The following MYRIP variants were observed in gnomAD, a reference collection of about 807,000 sequenced individuals.
The protein encoded by MYRIP is myosin VIIA and Rab interacting protein.
Under a neutral mutation model 98.0 loss-of-function variants are expected in MYRIP, and 49 were observed. The observed-to-expected ratio is 0.50, with a 90% CI of 0.40 to 0.63. The LOEUF (loss-of-function observed/expected upper bound fraction) is 0.63, where lower values mean the gene tolerates loss of function less well. MYRIP is among the 30% of genes least tolerant of loss of function. The probability of loss-of-function intolerance (pLI) is 0.00; values close to 1 mark genes in which losing one functional copy is unlikely to be tolerated. For synonymous variants in MYRIP, 404 were observed against 409.5 expected (o/e 0.99, Z 0.16); for missense variants, 1,004 against 1,058.2 (o/e 0.95, Z 0.71).
intron 2 of MYRIP, among the ~76,000 whole-genome samples, chr3:39,918,180 C>A (rs1001891534): frequency 1.3e-5 from 2 of 152,222 alleles, no homozygotes; most frequent in Non-Finnish European, 2.9e-5. Flanking sequence ...TCCCAGAGTG[C>A]TGGGATTACA....
chr3:39,921,881 CAAA>C (rs34179419), intron 2 of MYRIP, among the ~76,000 whole-genome samples: 1 of 75,906 alleles, frequency 1.3e-5, no homozygotes. Flanking sequence ...GACTCCGTCT[CAAA>C]AAAAAAAAAA....
chr3:40,007,820 C>G (rs1227942818), intron 2 of MYRIP, among the ~76,000 whole-genome samples: 2 of 152,212 alleles, frequency 1.3e-5, no homozygotes, highest in African/African-American at 4.8e-5. Flanking sequence ...GCAGAATTCC[C>G]TCTTCTTCAG....
At chr3:40,233,722 T>C (rs1431291768) in intron 11 of MYRIP, 137 bp from the exon 12 acceptor site, 1 of 805,204 alleles carries the variant, frequency 1.2e-6, no homozygotes, top group Non-Finnish European at 1.9e-6. Context: ...TTTCTCATTC[T>C]TCAGCACATT....
rs1953714656 is a variant in MYRIP, at chr3:40,259,975, CAA to C, written c.*1814_*1815del. The C allele has an allele frequency of 6.8e-6, 1 of 146,224 alleles. No individual in the cohort carries two copies. The highest frequency in any genetic ancestry group is 1.5e-5 in the Non-Finnish European group (1 of 67,806). 9.1% of individuals were successfully genotyped at this position (146,224 alleles called of 1,614,324 possible). ...TGTAAGCCTTGCAAACAAAAAACAACAAAAAAGAAGCAGCAGCAGCAGCCTGC... is the reference window on the plus strand; with the variant it reads ...TGTAAGCCTTGCAAACAAAAAACAACAAAAGAAGCAGCAGCAGCAGCCTGC... On this transcript the variant is annotated 3_prime_UTR_variant, in exon 17 of 17. Transcript: ENST00000302541.
intron 1 of MYRIP, among the ~76,000 whole-genome samples, chr3:39,862,939 A>G (rs536620374): frequency 4.6e-5 from 7 of 152,304 alleles, no homozygotes; most frequent in Admixed American, 3.9e-4. Flanking sequence ...AAATTATACC[A>G]ATCATATTCT....
At chr3:40,114,052 A>G (rs1949217569) in intron 3 of MYRIP, among the ~76,000 whole-genome samples, 1 of 152,190 alleles carries the variant, frequency 6.6e-6, no homozygotes, top group Non-Finnish European at 1.5e-5. Flanking sequence ...AAAGCCCACA[A>G]AACTTAAAGG....
chr3:40,084,063 G>A (rs1034522609), intron 3 of MYRIP, among the ~76,000 whole-genome samples: 1 of 140,340 alleles, frequency 7.1e-6, no homozygotes, highest in Non-Finnish European at 1.5e-5. Flanking sequence ...CGTGAACCCG[G>A]GAGGCGGAAC....
intron 2 of MYRIP, among the ~76,000 whole-genome samples, chr3:39,968,513 G>A (rs1313719403): frequency 6.6e-6 from 1 of 152,124 alleles, no homozygotes; most frequent in Non-Finnish European, 1.5e-5. Flanking sequence ...ATGGCATAAG[G>A]AGGGGGTCCA....
At chr3:40,226,114 A>G (rs768969550) in intron 11 of MYRIP, among the ~76,000 whole-genome samples, 3 of 152,158 alleles carry the variant, frequency 2.0e-5, no homozygotes, top group Non-Finnish European at 4.4e-5. Flanking sequence ...GAAACTTGAC[A>G]CCAAAAATAA....
intron 1 of MYRIP, among the ~76,000 whole-genome samples, chr3:39,893,759 T>C (rs1046508541): frequency 1.3e-5 from 2 of 151,990 alleles, no homozygotes; most frequent in South Asian, 2.1e-4. Context: ...CAATTTAATA[T>C]AGTTTTTTAA....
At chr3:40,197,842 A>C (rs542122343) in intron 10 of MYRIP, among the ~76,000 whole-genome samples, 3 of 152,160 alleles carry the variant, frequency 2.0e-5, no homozygotes, top group African/African-American at 7.2e-5. Flanking sequence ...TCCTGTTAGC[A>C]GTTCTTAGAT....
At chr3:39,884,826 G>A (rs556212413) in intron 1 of MYRIP, among the ~76,000 whole-genome samples, 1 of 124,984 alleles carries the variant, frequency 8.0e-6, no homozygotes, top group East Asian at 2.3e-4. Context: ...TTTTTTGCAT[G>A]AATGTAAGTG....
At chr3:39,928,790 T>C (rs1272768638) in intron 2 of MYRIP, among the ~76,000 whole-genome samples, 3 of 151,958 alleles carry the variant, frequency 2.0e-5, no homozygotes, top group Non-Finnish European at 4.4e-5. Flanking sequence ...GGATGTCTAC[T>C]CTCTCCACTC....
At chr3:39,893,500 T>C (rs1943535104) in intron 1 of MYRIP, among the ~76,000 whole-genome samples, 1 of 152,118 alleles carries the variant, frequency 6.6e-6, no homozygotes. Flanking sequence ...AGGGACCAGT[T>C]TTCAGGCTGT....
intron 2 of MYRIP, among the ~76,000 whole-genome samples, chr3:39,992,759 A>T (rs1292945998): frequency 6.6e-6 from 1 of 152,164 alleles, no homozygotes; most frequent in Non-Finnish European, 1.5e-5. Context: ...CTTCTTGTTT[A>T]TGGTCCTTTT....
chr3:40,077,284 A>G (rs1316114074), intron 3 of MYRIP, among the ~76,000 whole-genome samples: 1 of 152,168 alleles, frequency 6.6e-6, no homozygotes, highest in Non-Finnish European at 1.5e-5. Flanking sequence ...GACCTGAGCC[A>G]GTTGCCACTG....
At chr3:40,142,899 C>T (rs2125563611) in intron 3 of MYRIP, among the ~76,000 whole-genome samples, 1 of 152,350 alleles carries the variant, frequency 6.6e-6, no homozygotes, top group South Asian at 2.1e-4. Flanking sequence ...CTCGTACACA[C>T]CTACTGAGGC....
intron 11 of MYRIP, among the ~76,000 whole-genome samples, chr3:40,213,849 AC>A (rs1952035936): frequency 6.6e-6 from 1 of 152,166 alleles, no homozygotes. Flanking sequence ...TGAGGCACTA[AC>A]TAGTGACTGA....
At chr3:39,825,200 T>G (rs994172839) in intron 1 of MYRIP, among the ~76,000 whole-genome samples, 3 of 152,222 alleles carry the variant, frequency 2.0e-5, no homozygotes, top group African/African-American at 7.2e-5. Flanking sequence ...CTCTTGCCTA[T>G]TTGCTCTTAC....
Sources: allele counts gnomAD v4.1 joint callset (sites outside exome capture counted in the v4.1 genomes callset), GRCh38; gene constraint gnomAD v4.1.1; transcripts MANE v1.5; gene names NCBI Gene and HGNC (gene_info 2026-07-23, HGNC 2026-07-21).